CREB5: variants seen among roughly 807,000 people sequenced by gnomAD.
The protein encoded by CREB5 is cyclic AMP-responsive element-binding protein 5.
Under a neutral mutation model 57.1 loss-of-function variants are expected in CREB5, and 19 were observed. The ratio of observed to expected loss-of-function variants is 0.33; its 90% CI spans 0.23 to 0.49. The LOEUF (loss-of-function observed/expected upper bound fraction) is 0.49, where lower values mean the gene tolerates loss of function less well. Ranked by LOEUF, CREB5 falls within the 20% of genes least tolerant of loss-of-function variation. The pLI is 0.99. For synonymous variants in CREB5, 238 were observed against 238.3 expected (o/e 1.00, Z 0.01); for missense variants, 579 against 671.6 (o/e 0.86, Z 1.52).
intron 7 of CREB5, among the ~76,000 whole-genome samples, chr7:28,768,050 G>T (rs955092476): frequency 6.6e-6 from 1 of 152,148 alleles, no homozygotes; most frequent in Non-Finnish European, 1.5e-5. Context: ...AAAATCTAAG[G>T]ATTTTGCATA....
intron 5 of CREB5, among the ~76,000 whole-genome samples, chr7:28,585,538 G>A (rs553658695): frequency 2.0e-5 from 3 of 152,244 alleles, no homozygotes; most frequent in South Asian, 4.1e-4. Flanking sequence ...ACATGTTTTT[G>A]AAAAAGGAAG....
intron 5 of CREB5, among the ~76,000 whole-genome samples, chr7:28,705,364 C>CAAA (rs10686098): frequency 1.8e-4 from 17 of 93,002 alleles, no homozygotes; most frequent in African/African-American, 5.0e-4. Flanking sequence ...GACTCTGACT[C>CAAA]AAAAAAAAAA....
intron 1 of CREB5, among the ~76,000 whole-genome samples, chr7:28,374,535 A>G (rs1176470886): frequency 6.6e-6 from 1 of 152,238 alleles, no homozygotes. Context: ...CTACTGATAC[A>G]TGAAACAATG....
intron 4 of CREB5, among the ~76,000 whole-genome samples, chr7:28,560,969 T>TGAGCGC (rs1395767512): frequency 4.0e-5 from 1 of 24,956 alleles, no homozygotes; most frequent in African/African-American, 1.1e-4. Flanking sequence ...TGCGTGTGTG[T>TGAGCGC]GTGCGTGTGT....
Position 28,453,848 on chromosome 7 carries a change from A to G in CREB5, c.4-34327A>G, listed in dbSNP as rs564164785. Among the ~76,000 whole-genome samples the G allele has an allele frequency of 1.1e-4, 17 of 152,316 alleles. No individual in the cohort carries two copies. In the Middle Eastern group the frequency reaches 0.01, roughly 91 times the overall value. On this transcript the variant is annotated intron_variant, in intron 1 of 10. Coordinates refer to ENST00000357727, the MANE Select transcript of CREB5 (RefSeq NM_182898.4). ...CAAAATAAAATCTTTGTAAATGAAA[A>G]TGCTGCCCTCTTTACTTTGTTGGTG...
At chr7:28,618,653 C>T (rs575885771) in intron 5 of CREB5, among the ~76,000 whole-genome samples, 2 of 152,296 alleles carry the variant, frequency 1.3e-5, no homozygotes, top group South Asian at 2.1e-4. Flanking sequence ...GGACTTGCCT[C>T]CCGTCTCAGC....
chr7:28,505,718 G>A (rs917010846), intron 3 of CREB5, among the ~76,000 whole-genome samples: 8 of 152,122 alleles, frequency 5.3e-5, no homozygotes, highest in African/African-American at 1.9e-4. Flanking sequence ...CCTTGTGCAA[G>A]GAAGCTCGTT....
chr7:28,515,458 A>G (rs28506104), intron 4 of CREB5, among the ~76,000 whole-genome samples: 43,037 of 152,084 alleles, frequency 0.28, 6,610 homozygotes, highest in South Asian at 0.41. Flanking sequence ...CATTGGCATA[A>G]ATATTGGTCT....
At chr7:28,612,700 T>G (rs187264771) in intron 5 of CREB5, among the ~76,000 whole-genome samples, 1 of 152,110 alleles carries the variant, frequency 6.6e-6, no homozygotes, top group Admixed American at 6.5e-5. Context: ...TGCTATAGCT[T>G]TTAAAAGGAA....
Position 28,479,332 on chromosome 7 carries a change from C to A in CREB5, c.4-8843C>A, listed in dbSNP as rs78620677. On this transcript the variant is annotated intron_variant, in intron 1 of 10. Transcript: ENST00000357727. ...CCCTTCCCACTAAATGCCAGGGTGA[C>A]CCCCTTCTAATAATAGCAGACAATA... 2.0e-4 allele frequency among the ~76,000 whole-genome samples: 30 copies of A among 152,262 alleles called. No individual in the cohort carries two copies. The East Asian group carries it at 5.8e-3, about 29-fold the overall frequency.
At chr7:28,586,324 C>A (rs974717083) in intron 5 of CREB5, among the ~76,000 whole-genome samples, 1 of 152,154 alleles carries the variant, frequency 6.6e-6, no homozygotes, top group African/African-American at 2.4e-5. Context: ...CGAGTTCCCC[C>A]AAAGAAGCTC....
At chr7:28,531,900 G>A (rs557420277) in intron 4 of CREB5, among the ~76,000 whole-genome samples, 23 of 152,152 alleles carry the variant, frequency 1.5e-4, no homozygotes, top group East Asian at 1.9e-4. Flanking sequence ...GTGGTGGCAC[G>A]CACCTGTACT....
chr7:28,818,638 C>A, intron 10 of CREB5: 1 of 417,308 alleles, frequency 2.4e-6, no homozygotes, highest in South Asian at 1.8e-5. Flanking sequence ...AAAATGATCC[C>A]TTCCTTCAGA....
chr7:28,503,102 C>T (rs948897199), intron 3 of CREB5, among the ~76,000 whole-genome samples: 3 of 152,168 alleles, frequency 2.0e-5, no homozygotes, highest in Non-Finnish European at 4.4e-5. Flanking sequence ...TGCATTGAGC[C>T]GTATGCTTGT....
At chr7:28,439,424 C>A (rs532585659) in intron 1 of CREB5, among the ~76,000 whole-genome samples, 1 of 152,332 alleles carries the variant, frequency 6.6e-6, no homozygotes, top group Non-Finnish European at 1.5e-5. Context: ...ATTCTGCTAA[C>A]TGGAATATTC....
At chr7:28,777,855 A>AAATAAT (rs1284257821) in intron 7 of CREB5, among the ~76,000 whole-genome samples, 2 of 152,208 alleles carry the variant, frequency 1.3e-5, no homozygotes, top group Non-Finnish European at 2.9e-5. Context: ...AAGAAAATAA[A>AAATAAT]AATAATAGTA....
intron 7 of CREB5, among the ~76,000 whole-genome samples, chr7:28,725,715 C>T (rs1435767490): frequency 1.3e-5 from 2 of 150,090 alleles, no homozygotes; most frequent in Non-Finnish European, 1.5e-5. Flanking sequence ...TGTGAAGGTA[C>T]TTAAGAAAAA....
chr7:28,788,386 G>A (rs892238291), intron 7 of CREB5, among the ~76,000 whole-genome samples: 4 of 152,162 alleles, frequency 2.6e-5, no homozygotes, highest in Admixed American at 2.6e-4. Context: ...ACATAGATTT[G>A]ATTTGTTACC....
At chr7:28,672,188 A>ACACACACAC (rs58150386) in intron 5 of CREB5, among the ~76,000 whole-genome samples, 2 of 147,000 alleles carry the variant, frequency 1.4e-5, no homozygotes, top group Non-Finnish European at 1.5e-5. Flanking sequence ...AAAAAAAAAA[A>ACACACACAC]ACACACACAC....
Sources: gnomAD v4.1 joint callset for allele counts (sites outside exome capture counted in the v4.1 genomes callset) on GRCh38, gnomAD v4.1.1 for gene constraint, MANE v1.5 for transcripts, NCBI Gene and HGNC (gene_info 2026-07-23, HGNC 2026-07-21) for gene names.